ADAM32: variants seen among roughly 807,000 people sequenced by gnomAD.
ADAM32 encodes the protein ADAM metallopeptidase domain 32.
ADAM32 carries 89 observed loss-of-function variants against 114.9 expected under a neutral mutation model. That is an observed-to-expected ratio of 0.77 (90% CI 0.65 to 0.92). The LOEUF is 0.92. Ranked by LOEUF, ADAM32 falls within the 40% of genes least tolerant of loss-of-function variation. ADAM32 has a pLI of 0.00. For synonymous variants in ADAM32, 285 were observed against 307.5 expected (o/e 0.93, Z 0.77); for missense variants, 870 against 932.8 (o/e 0.93, Z 0.88).
chr8:39,163,094 T>C lies in ADAM32; in HGVS notation c.595-1670T>C, dbSNP rs767593421. Among the ~76,000 whole-genome samples the C allele has an allele frequency of 2.4e-4, 37 of 152,234 alleles. 1 individual carries two copies. Among genetic ancestry groups the C allele is most frequent in the Non-Finnish European group, 4.8e-4 (33 of 68,042 alleles). On this transcript the variant is annotated intron_variant, in intron 7 of 24. Transcript: ENST00000379907. ...AAATCCGTAATTATGGCATAGTGAATTCATTGCCATGATTGTAGAAAGCAT... is the reference window on the plus strand; with the variant it reads ...AAATCCGTAATTATGGCATAGTGAACTCATTGCCATGATTGTAGAAAGCAT...
chr8:39,149,162 T>G (rs982871459), intron 4 of ADAM32, among the ~76,000 whole-genome samples: 2 of 152,190 alleles, frequency 1.3e-5, no homozygotes, highest in Non-Finnish European at 2.9e-5. Context: ...AACTTTTTTA[T>G]AACTGTAGAT....
At chr8:39,260,427 G>C (rs1007331336) in intron 19 of ADAM32, among the ~76,000 whole-genome samples, 8 of 152,020 alleles carry the variant, frequency 5.3e-5, no homozygotes, top group Non-Finnish European at 1.2e-4. Context: ...TTTATTGATA[G>C]CTTTTCACTG....
intron 9 of ADAM32, chr8:39,169,697 G>C: frequency 5.2e-6 from 2 of 382,894 alleles, no homozygotes; most frequent in East Asian, 4.1e-5. Flanking sequence ...TGATCTATTA[G>C]ATATGTTTCA....
chr8:39,220,129 G>T (rs1443296118), intron 12 of ADAM32, among the ~76,000 whole-genome samples: 2 of 152,140 alleles, frequency 1.3e-5, no homozygotes, highest in Non-Finnish European at 2.9e-5. Context: ...ACAGTGTTCA[G>T]TGCATATATA....
Position 39,140,469 on chromosome 8 carries a change from A to G in ADAM32, c.200+3751A>G, listed in dbSNP as rs531718379. Among the ~76,000 whole-genome samples, 33 of 152,330 alleles carry G rather than the reference A, an allele frequency of 2.2e-4. 1 individual carries two copies. The South Asian group carries it at 6.0e-3, about 28-fold the overall frequency. ...ATGGATTACATTTATTGATTTGCAT[A>G]TGTCGAACCAGCCTTGCATCCCAGG... On this transcript the variant is annotated intron_variant, in intron 3 of 24. Transcript: ENST00000379907.
intron 9 of ADAM32, chr8:39,168,722 A>C (rs1392217395): frequency 1.3e-5 from 2 of 152,214 alleles, no homozygotes; most frequent in Non-Finnish European, 2.9e-5. Flanking sequence ...TATGGAATTC[A>C]TAGTTAGAAC....
intron 2 of ADAM32, among the ~76,000 whole-genome samples, chr8:39,128,335 T>A (rs1802240938): frequency 6.6e-6 from 1 of 152,210 alleles, no homozygotes; most frequent in African/African-American, 2.4e-5. Context: ...GAAACTAGGT[T>A]TGTAACCTCT....
Position 39,284,795 on chromosome 8 carries a change from A to G in ADAM32, c.2360A>G (p.Asn787Ser). The change falls in exon 25 of 25, where the codon AAC becomes AGC. Residue 787 changes from asparagine to serine, a missense_variant and splice_region_variant. By Grantham distance (46) the Asn-to-Ser change is conservative. Coordinates refer to ENST00000379907, the MANE Select transcript of ADAM32 (RefSeq NM_145004.7). ...QDSTQTQSSSN is the reference protein window; with the variant it reads ...QDSTQTQSSSS ...TGTTTTTTTGTTCTCTTCCACAGTA[A>G]CTAGTGATTCCTTCAGAAGGCAACG... 1 of 1,613,880 alleles carries G rather than the reference A, an allele frequency of 6.2e-7. No homozygotes were observed. The highest frequency in any genetic ancestry group is 8.5e-7 in the Non-Finnish European group (1 of 1,179,816).
intron 11 of ADAM32, among the ~76,000 whole-genome samples, chr8:39,189,523 T>A (rs1806463795): frequency 6.6e-6 from 1 of 152,202 alleles, no homozygotes; most frequent in South Asian, 2.1e-4. Context: ...TTGGTACACG[T>A]GATATTTTCA....
At chr8:39,200,042 T>C (rs1564584997) in intron 11 of ADAM32, among the ~76,000 whole-genome samples, 2 of 152,222 alleles carry the variant, frequency 1.3e-5, no homozygotes, top group Non-Finnish European at 2.9e-5. Context: ...TTGGGTTGGT[T>C]CCAAGTCTTT....
intron 10 of ADAM32, among the ~76,000 whole-genome samples, chr8:39,170,809 A>T (rs988195341): frequency 6.6e-6 from 1 of 152,062 alleles, no homozygotes; most frequent in South Asian, 2.1e-4. Context: ...GACACATAAT[A>T]GTTGTATGTA....
chr8:39,208,318 T>G (rs974079012), intron 11 of ADAM32, among the ~76,000 whole-genome samples: 34 of 152,122 alleles, frequency 2.2e-4, no homozygotes, highest in African/African-American at 8.0e-4. Context: ...TTAACTCCCT[T>G]CTCCCCAATT....
chr8:39,210,676 A>G (rs1808147355), intron 11 of ADAM32, among the ~76,000 whole-genome samples: 1 of 152,328 alleles, frequency 6.6e-6, no homozygotes, highest in South Asian at 2.1e-4. Flanking sequence ...CTATGGAACT[A>G]GTCAATGAAT....
At chr8:39,247,518 C>A (rs1813710743) in intron 17 of ADAM32, among the ~76,000 whole-genome samples, 1 of 151,858 alleles carries the variant, frequency 6.6e-6, no homozygotes, top group African/African-American at 2.4e-5. Flanking sequence ...CTTTTAAAGT[C>A]TTTTGCCCAT....
chr8:39,163,850 GT>G (rs1292650417), intron 7 of ADAM32, among the ~76,000 whole-genome samples: 5 of 152,166 alleles, frequency 3.3e-5, no homozygotes, highest in Non-Finnish European at 5.9e-5. Context: ...TTGGATATGA[GT>G]TTACTCTGGG....
In ADAM32 at chr8:39,118,161, A is replaced by C. The variant is rs1008391440; in HGVS notation, c.134A>C (p.Glu45Ala). 2.1e-6 allele frequency: 3 copies of C among 1,428,290 alleles called. No homozygotes were observed. Among genetic ancestry groups the C allele is most frequent in the Non-Finnish European group, 2.8e-6 (3 of 1,070,594 alleles). 88.5% of individuals were successfully genotyped at this position (1,428,290 alleles called of 1,614,324 possible). A position where few individuals can be genotyped will look rare whatever the true frequency, so the allele number is the denominator to read the frequency against. Residue 45 changes from glutamate to alanine, a missense_variant, in exon 2 of 25, where the codon GAA (glutamate) becomes GCA (alanine). Physicochemically the swap from Glu to Ala is moderately radical, Grantham distance 107. Coordinates refer to ENST00000379907, the MANE Select transcript of ADAM32 (RefSeq NM_145004.7). ...AATACAAATGACAGTTCAGAAATAG[A>C]ATATGTAAGAGATATTTTTTCACAA... ...QTNTNDSSEI[E>A]YEQISYIIPI...
intron 3 of ADAM32, among the ~76,000 whole-genome samples, chr8:39,141,384 A>G (rs1803144166): frequency 6.6e-6 from 1 of 152,060 alleles, no homozygotes; most frequent in Admixed American, 6.6e-5. Flanking sequence ...ATTCTGGTAC[A>G]TTGTGTCTTT....
At chr8:39,203,530 C>A (rs1376652166) in intron 11 of ADAM32, among the ~76,000 whole-genome samples, 1 of 152,144 alleles carries the variant, frequency 6.6e-6, no homozygotes, top group East Asian at 1.9e-4. Flanking sequence ...TGTGTCTCTG[C>A]ATGGGAGATG....
chr8:39,282,828 C>G (rs1407384994), intron 23 of ADAM32, among the ~76,000 whole-genome samples: 1 of 151,970 alleles, frequency 6.6e-6, no homozygotes, highest in Non-Finnish European at 1.5e-5. Flanking sequence ...TCTATAAATA[C>G]AGATCTTTTT....
Sources: gnomAD v4.1 joint callset for allele counts (sites outside exome capture counted in the v4.1 genomes callset) on GRCh38, gnomAD v4.1.1 for gene constraint, MANE v1.5 for transcripts, NCBI Gene and HGNC (gene_info 2026-07-23, HGNC 2026-07-21) for gene names.